The following HEPHL1 variants were observed in gnomAD, a reference collection of about 807,000 sequenced individuals.
The protein encoded by HEPHL1 is ferroxidase HEPHL1.
Under a neutral mutation model 122.0 loss-of-function variants are expected in HEPHL1, and 123 were observed. That is an observed-to-expected ratio of 1.01 (90% confidence interval 0.87 to 1.17). HEPHL1 has a LOEUF of 1.17. HEPHL1 is among the 50% of genes most tolerant of loss of function. The pLI, the probability that HEPHL1 is intolerant of heterozygous loss-of-function variation, is 0.00. For synonymous variants in HEPHL1, 527 were observed against 508.9 expected (o/e 1.04, Z -0.48); for missense variants, 1,452 against 1,430.5 (o/e 1.01, Z -0.24).
Position 94,088,762 on chromosome 11 carries a change from T to A in HEPHL1, c.2088T>A (p.Phe696Leu). The change falls in exon 12 of 20, where the codon TTT (phenylalanine) becomes TTA (leucine). Residue 696 changes from phenylalanine (F) to leucine (L), a missense_variant. Transcript: ENST00000315765. ...AFMQPDHAGIFRVFCATMPHL... is the reference protein window; with the variant it reads ...AFMQPDHAGILRVFCATMPHL... ...GAGCCATTTCTCTTGCAGGTATTTT[T>A]AGGGTGTTTTGTGCCACCATGCCCC... 1.2e-6 allele frequency: 2 copies of A among 1,612,962 alleles called. No homozygotes were observed. The highest frequency in any genetic ancestry group is 2.2e-5 in the East Asian group (1 of 44,862).
rs1451286633 is a variant in HEPHL1, at chr11:94,086,100, A to G, written c.1991A>G (p.Asn664Ser). 6.2e-7 allele frequency: 1 copy of G among 1,613,614 alleles called. No homozygotes were observed. Among genetic ancestry groups the G allele is most frequent in the Non-Finnish European group, 8.5e-7 (1 of 1,179,842 alleles). Residue 664 changes from asparagine (N) to serine (S), a missense_variant, in exon 11 of 20, where the codon AAC becomes AGC. By Grantham distance (46) the Asn-to-Ser change is conservative (BLOSUM62 1). Coordinates refer to ENST00000315765, the MANE Select transcript of HEPHL1 (RefSeq NM_001098672.2). Reference protein sequence around the residue: ...TDMHGIVFQGNTIHLRGTHRD... With the variant: ...TDMHGIVFQGSTIHLRGTHRD... The stretch of plus-strand genomic sequence containing the variant: ...ATGCATGGAATTGTTTTTCAAGGGA[A>G]CACCATCCACCTACGAGGGACTCAC...
chr11:94,086,887 T>C (rs1591482930), intron 11 of HEPHL1, among the ~76,000 whole-genome samples: 1 of 152,098 alleles, frequency 6.6e-6, no homozygotes, highest in East Asian at 1.9e-4. Flanking sequence ...CCTATAGACA[T>C]TGAACATGTT....
rs370786634 is a variant in HEPHL1 at position 94,106,030 on chromosome 11, T to C, written c.2945T>C (p.Ile982Thr). The C allele has an allele frequency of 1.3e-6, 2 of 1,599,978 alleles. No homozygotes were observed. The highest frequency in any genetic ancestry group is 1.1e-5 in the South Asian group (1 of 88,454). The change falls in exon 17 of 20, where the codon ATA becomes ACA. Residue 982 changes from isoleucine to threonine, a missense_variant. Physicochemically the swap from Ile to Thr is moderately conservative, Grantham distance 89. Coordinates refer to ENST00000315765, the MANE Select transcript of HEPHL1 (RefSeq NM_001098672.2). The stretch of plus-strand genomic sequence containing the variant: ...ATTTTTGGGAATCTCCATGGCCTCA[T>C]AATGAACGAAGATACAATGACAAAC... ...GKIFGNLHGL[I>T]MNEDTMTNWY...
At chr11:94,092,192 T>C (rs1946267334) in intron 12 of HEPHL1, among the ~76,000 whole-genome samples, 1 of 152,222 alleles carries the variant, frequency 6.6e-6, no homozygotes, top group Non-Finnish European at 1.5e-5. Context: ...TGGGTCTCAC[T>C]GTATTTTAGA....
chr11:94,041,279 G>A (rs370183283), intron 1 of HEPHL1, among the ~76,000 whole-genome samples: 4 of 149,022 alleles, frequency 2.7e-5, no homozygotes, highest in East Asian at 2.0e-4. Context: ...AATCAATATC[G>A]TGAAAATGGC....
intron 9 of HEPHL1, among the ~76,000 whole-genome samples, 181 bp from the exon 10 acceptor site, chr11:94,082,237 G>C (rs781194993): frequency 6.6e-6 from 1 of 152,224 alleles, no homozygotes; most frequent in Non-Finnish European, 1.5e-5. Flanking sequence ...AATTTTCTGA[G>C]TGGGGAATAA....
chr11:94,064,891 G>C (rs1946021214), intron 4 of HEPHL1, among the ~76,000 whole-genome samples: 1 of 152,138 alleles, frequency 6.6e-6, no homozygotes, highest in Admixed American at 6.5e-5. Flanking sequence ...CCTGTGTTTT[G>C]CAACATTTTG....
chr11:94,090,880 A>C (rs2134444575), intron 12 of HEPHL1, among the ~76,000 whole-genome samples: 1 of 152,304 alleles, frequency 6.6e-6, no homozygotes, highest in Admixed American at 6.5e-5. Flanking sequence ...GGGACCTAGA[A>C]GTCTTTCTTT....
chr11:94,034,954 C>G (rs1945708178), intron 1 of HEPHL1, among the ~76,000 whole-genome samples: 1 of 152,170 alleles, frequency 6.6e-6, no homozygotes, highest in Non-Finnish European at 1.5e-5. Context: ...GATATAGGAT[C>G]CTTCCAAAAT....
chr11:94,094,228 T>C (rs1387412049), intron 13 of HEPHL1, among the ~76,000 whole-genome samples: 4 of 151,778 alleles, frequency 2.6e-5, no homozygotes, highest in Admixed American at 6.6e-5. Context: ...AATTTCCATC[T>C]ATGAGTGAGA....
At chr11:94,109,946 A>G (rs1278413127) in intron 17 of HEPHL1, among the ~76,000 whole-genome samples, 2 of 152,242 alleles carry the variant, frequency 1.3e-5, no homozygotes, top group Non-Finnish European at 2.9e-5. Context: ...ATTTGCCAAT[A>G]AAGCCATCTG....
intron 11 of HEPHL1, among the ~76,000 whole-genome samples, chr11:94,087,469 C>G (rs1489606168): frequency 6.6e-6 from 1 of 152,146 alleles, no homozygotes; most frequent in Non-Finnish European, 1.5e-5. Context: ...ATTCCTGTCC[C>G]TTACCTATAA....
At position 94,071,975 on chromosome 11, in the gene HEPHL1, C is replaced by T. The variant is rs555034746; in HGVS notation, c.1233-1050C>T. Among the ~76,000 whole-genome samples the T allele has an allele frequency of 2.0e-4, 30 of 152,108 alleles. 1 individual carries two copies. The South Asian group carries it at 4.8e-3, about 24-fold the overall frequency. ...TGGAGAAATAGAGAATTGGGGTAAACGGGATATCAATTGCAGAGGTCCTTT... is the reference window on the plus strand; with the variant it reads ...TGGAGAAATAGAGAATTGGGGTAAATGGGATATCAATTGCAGAGGTCCTTT... On this transcript the variant is annotated intron_variant, in intron 6 of 19. Coordinates refer to ENST00000315765, the MANE Select transcript of HEPHL1 (RefSeq NM_001098672.2).
chr11:94,067,443 T>C, intron 4 of HEPHL1, 53 bp from the exon 5 acceptor site: 1 of 1,579,002 alleles, frequency 6.3e-7, no homozygotes. Flanking sequence ...ACATTTCTGG[T>C]CCCAGTCGCC....
intron 2 of HEPHL1, chr11:94,056,034 G>T: frequency 3.5e-6 from 2 of 564,928 alleles, no homozygotes; most frequent in South Asian, 2.2e-5. Context: ...AATTAAGTCA[G>T]TTTTTCCTTC....
intron 14 of HEPHL1, among the ~76,000 whole-genome samples, 184 bp downstream of exon 14, chr11:94,101,519 T>A (rs1946367054): frequency 6.6e-6 from 1 of 152,180 alleles, no homozygotes; most frequent in African/African-American, 2.4e-5. Context: ...TAGGGTTCCA[T>A]TAGAAACCTC....
At chr11:94,102,088 A>G (rs1349308702) in intron 14 of HEPHL1, among the ~76,000 whole-genome samples, 3 of 152,190 alleles carry the variant, frequency 2.0e-5, no homozygotes, top group Non-Finnish European at 4.4e-5. Flanking sequence ...GAAAACACAT[A>G]GTATATATAG....
At chr11:94,070,581 G>C (rs775404844) in intron 6 of HEPHL1, 39 bp downstream of exon 6, 4 of 1,525,442 alleles carry the variant, frequency 2.6e-6, no homozygotes, top group Admixed American at 3.6e-5. Flanking sequence ...CCTCTCGTCA[G>C]AGAAGCATGT....
At chr11:94,093,129 T>A (rs906278781) in intron 12 of HEPHL1, among the ~76,000 whole-genome samples, 1 of 140,704 alleles carries the variant, frequency 7.1e-6, no homozygotes, top group Non-Finnish European at 1.6e-5. Flanking sequence ...TGTGTGTGTG[T>A]GATGACACAC....
Sources: gnomAD v4.1 joint callset for allele counts (sites outside exome capture counted in the v4.1 genomes callset) on GRCh38, gnomAD v4.1.1 for gene constraint, MANE v1.5 for transcripts, NCBI Gene and HGNC (gene_info 2026-07-23, HGNC 2026-07-21) for gene names.